Variants in GRK5 observed in about 807,000 individuals in gnomAD.
The protein encoded by GRK5 is G protein-coupled receptor kinase 5.
GRK5 carries 40 observed loss-of-function variants against 78.4 expected under a neutral mutation model. The observed-to-expected ratio is 0.51, with a 90% confidence interval of 0.40 to 0.66. GRK5 has a LOEUF of 0.66. Ranked by LOEUF, GRK5 falls within the 30% of genes least tolerant of loss-of-function variation. The pLI is 0.00. For missense variants in GRK5, 598 were observed against 759.9 expected, an observed-to-expected ratio of 0.79 and a Z score of 2.50; for synonymous variants, 289 against 296.8, an observed-to-expected ratio of 0.97 and a Z score of 0.27.
chr10:119,255,624 A>G (rs2133759147), intron 1 of GRK5, among the ~76,000 whole-genome samples: 1 of 152,302 alleles, frequency 6.6e-6, no homozygotes, highest in South Asian at 2.1e-4. Flanking sequence ...GGTCAGGGTA[A>G]AGGTGGGACT....
chr10:119,441,736 G>A (rs564998641), intron 10 of GRK5, among the ~76,000 whole-genome samples: 70 of 152,348 alleles, frequency 4.6e-4, no homozygotes, highest in Non-Finnish European at 9.0e-4. Context: ...TGACTAGGCA[G>A]GTCGGTCAAC....
chr10:119,315,539 C>T (rs1284176577), intron 1 of GRK5, among the ~76,000 whole-genome samples: 1 of 152,124 alleles, frequency 6.6e-6, no homozygotes, highest in Non-Finnish European at 1.5e-5. Flanking sequence ...AACAGCTGGC[C>T]GCCTCCACTT....
At chr10:119,225,535 C>T (rs1234809248) in intron 1 of GRK5, among the ~76,000 whole-genome samples, 6 of 152,084 alleles carry the variant, frequency 3.9e-5, no homozygotes, top group Non-Finnish European at 8.8e-5. Flanking sequence ...CTTCTGGGCT[C>T]CTGGCAAAAC....
chr10:119,320,064 A>G (rs1842536927), intron 1 of GRK5, among the ~76,000 whole-genome samples: 1 of 152,248 alleles, frequency 6.6e-6, no homozygotes, highest in African/African-American at 2.4e-5. Context: ...CAGCATGAGA[A>G]GGGACACTAG....
chr10:119,290,370 A>AAAAAC (rs1491498558), intron 1 of GRK5, among the ~76,000 whole-genome samples: 1 of 131,130 alleles, frequency 7.6e-6, no homozygotes, highest in African/African-American at 3.0e-5. Context: ...AAAACAAAAA[A>AAAAAC]CAACTCTGTC....
chr10:119,355,104 G>T (rs909669591), intron 2 of GRK5, among the ~76,000 whole-genome samples: 1 of 152,172 alleles, frequency 6.6e-6, no homozygotes, highest in African/African-American at 2.4e-5. Context: ...TTGTTATACT[G>T]TATTGTTTAG....
chr10:119,275,587 G>GCTCTCTCTCTCTCTCTCTCT (rs143881383), intron 1 of GRK5, among the ~76,000 whole-genome samples: 4 of 130,558 alleles, frequency 3.1e-5, no homozygotes, highest in African/African-American at 1.1e-4. Context: ...GCGTGTGCAC[G>GCTCTCTCTCTCTCTCTCTCT]CTCTCTCTCT....
At position 119,222,559 on chromosome 10, in the gene GRK5, C is replaced by A. The variant is rs555096115; in HGVS notation, c.52+14590C>A. 3.3e-5 allele frequency among the ~76,000 whole-genome samples: 5 copies of A among 152,164 alleles called. No homozygotes were observed. In the East Asian group the frequency reaches 9.7e-4, roughly 29 times the overall value. ...GTTCCCACCTGAGAATAGAAAACGC[C>A]CATTAAAAACAGCACCACACAAAAC... is the stretch of plus-strand genomic sequence containing the variant. On this transcript the variant is annotated intron_variant, in intron 1 of 15. Transcript: ENST00000392870.
chr10:119,208,800 A>G (rs891307877), intron 1 of GRK5: 1 of 152,088 alleles, frequency 6.6e-6, no homozygotes, highest in Admixed American at 6.5e-5. Flanking sequence ...TTGATGAAAA[A>G]CAGAAAAAAG....
chr10:119,424,833 C>A (rs1336633905), intron 5 of GRK5, among the ~76,000 whole-genome samples, 160 bp from the exon 6 acceptor site: 1 of 152,208 alleles, frequency 6.6e-6, no homozygotes, highest in African/African-American at 2.4e-5. Context: ...CAATTTCATA[C>A]AACCCTCAGT....
Position 119,379,531 on chromosome 10 carries a change from G to A in GRK5, c.149-1284G>A, listed in dbSNP as rs1006023896. On this transcript the variant is annotated intron_variant, in intron 2 of 15. Coordinates refer to ENST00000392870, the MANE Select transcript of GRK5 (RefSeq NM_005308.3). This position sits in a 1 kb window ranked among gnomAD's most constrained non-coding sequence, Gnocchi z 4.1. ...AGAGAAATCCTTTCTAGGGGGGATG[G>A]TGTCTTAGCTCCTCTACACCAGGTA... 1.3e-5 allele frequency among the ~76,000 whole-genome samples: 2 copies of A among 152,138 alleles called. No individual in the cohort carries two copies. Among genetic ancestry groups the A allele is most frequent in the Non-Finnish European group, 2.9e-5 (2 of 68,028 alleles).
At chr10:119,398,958 A>C (rs1852102271) in intron 4 of GRK5, among the ~76,000 whole-genome samples, 1 of 152,216 alleles carries the variant, frequency 6.6e-6, no homozygotes, top group African/African-American at 2.4e-5. Context: ...GGGTACAGGC[A>C]GGCACTGGGG....
chr10:119,347,834 C>T (rs1851123059), intron 2 of GRK5, among the ~76,000 whole-genome samples: 1 of 152,234 alleles, frequency 6.6e-6, no homozygotes. Context: ...TGAGTCTTCC[C>T]TGGGGGGCAG....
intron 2 of GRK5, among the ~76,000 whole-genome samples, chr10:119,341,900 G>A (rs1407861807): frequency 6.6e-6 from 1 of 152,146 alleles, no homozygotes; most frequent in Non-Finnish European, 1.5e-5. Context: ...CGAAGTAGCC[G>A]CTTTTATCAG....
intron 5 of GRK5, 124 bp from the exon 6 acceptor site, chr10:119,424,869 G>A (rs906945404): frequency 1.1e-4 from 76 of 709,246 alleles, no homozygotes; most frequent in Non-Finnish European, 1.5e-4. Flanking sequence ...CTGGCCAGAC[G>A]TGCTGCATCT....
intron 1 of GRK5, among the ~76,000 whole-genome samples, chr10:119,303,128 G>A (rs1443766112): frequency 6.6e-6 from 1 of 152,192 alleles, no homozygotes; most frequent in East Asian, 1.9e-4. Flanking sequence ...ATTGTTCTAG[G>A]ATCAGCAGTG....
chr10:119,394,913 A>T (rs1401945225), intron 3 of GRK5, among the ~76,000 whole-genome samples: 2 of 145,020 alleles, frequency 1.4e-5, no homozygotes, highest in African/African-American at 5.0e-5. Context: ...AATAACAGGA[A>T]AAAGTCAAGA....
chr10:119,284,005 A>C (rs911358472), intron 1 of GRK5, among the ~76,000 whole-genome samples: 9 of 152,190 alleles, frequency 5.9e-5, no homozygotes, highest in African/African-American at 2.2e-4. Flanking sequence ...AGCTCTGGGC[A>C]GTGTACTTCG....
intron 2 of GRK5, among the ~76,000 whole-genome samples, chr10:119,354,468 C>G (rs903033379): frequency 1.6e-4 from 21 of 133,800 alleles, no homozygotes; most frequent in Non-Finnish European, 2.9e-4. Context: ...GTGGCGCAAT[C>G]ATGCCTCACT....
Sources: allele counts gnomAD v4.1 joint callset (sites outside exome capture counted in the v4.1 genomes callset), GRCh38; gene constraint gnomAD v4.1.1; non-coding constraint Gnocchi (gnomAD v3.1); transcripts MANE v1.5; gene names NCBI Gene and HGNC (gene_info 2026-07-23, HGNC 2026-07-21).